The following RTF2 variants were observed in gnomAD, a reference collection of about 807,000 sequenced individuals.
RTF2 encodes the protein UPF0549 protein C20orf43.
RTF2 carries 18 observed loss-of-function variants against 38.0 expected under a neutral mutation model. That is an observed-to-expected ratio of 0.47 (90% CI 0.33 to 0.70). RTF2 has a LOEUF of 0.70. Ranked by LOEUF, RTF2 falls within the 30% of genes least tolerant of loss-of-function variation. The pLI is 0.02. For synonymous variants in RTF2, 126 were observed against 137.1 expected, an observed-to-expected ratio of 0.92 and a Z score of 0.57; for missense variants, 311 against 379.6, an observed-to-expected ratio of 0.82 and a Z score of 1.50.
intron 5 of RTF2, chr20:56,491,562 G>A (rs904292740): frequency 2.3e-5 from 35 of 1,537,584 alleles, no homozygotes; most frequent in Admixed American, 5.9e-5. Flanking sequence ...ACTCCCTAGC[G>A]GTTCAGTCTC....
intron 5 of RTF2, among the ~76,000 whole-genome samples, chr20:56,511,576 A>G (rs1457572498): frequency 6.6e-6 from 1 of 152,136 alleles, no homozygotes; most frequent in Non-Finnish European, 1.5e-5. Context: ...AGGTGTTTAT[A>G]ACCCTAGTCC....
chr20:56,483,408 C>T (rs1295252786), intron 4 of RTF2, among the ~76,000 whole-genome samples: 2 of 151,476 alleles, frequency 1.3e-5, no homozygotes, highest in Non-Finnish European at 2.9e-5. Context: ...AGTGCAGTGG[C>T]GCTATCATAG....
At position 56,470,369 on chromosome 20, in the gene RTF2, A is replaced by T. The variant is rs145480800; in HGVS notation, c.69+1603A>T. Reference sequence around the variant, plus strand: ...GCGATTCAAAAAAGCCAGAATGCCTAGGCAGGATGGATTTTTATTATAACT... The same window carrying T: ...GCGATTCAAAAAAGCCAGAATGCCTTGGCAGGATGGATTTTTATTATAACT... On this transcript the variant is annotated intron_variant, in intron 1 of 8. Transcript: ENST00000357348. 1.8e-4 allele frequency among the ~76,000 whole-genome samples: 28 copies of T among 152,326 alleles called. 1 individual carries two copies. The East Asian group carries it at 4.4e-3, about 24-fold the overall frequency.
intron 6 of RTF2, among the ~76,000 whole-genome samples, chr20:56,514,529 C>T (rs1006288261): frequency 6.6e-6 from 1 of 151,898 alleles, no homozygotes; most frequent in African/African-American, 2.4e-5. Flanking sequence ...CAGTCCGAGG[C>T]GAGAGTGATG....
At chr20:56,490,594 C>T (rs1983058574) in intron 5 of RTF2, among the ~76,000 whole-genome samples, 1 of 152,246 alleles carries the variant, frequency 6.6e-6, no homozygotes, top group African/African-American at 2.4e-5. Context: ...GCAGGCGGAT[C>T]ACCTGAGGTC....
intron 5 of RTF2, among the ~76,000 whole-genome samples, chr20:56,507,351 T>A (rs1984347267): frequency 6.6e-6 from 1 of 152,028 alleles, no homozygotes; most frequent in Admixed American, 6.5e-5. Context: ...ATGGGGCCCC[T>A]AGCAGTTGGG....
intron 5 of RTF2, among the ~76,000 whole-genome samples, chr20:56,501,913 T>A (rs1238440500): frequency 2.0e-5 from 3 of 152,188 alleles, no homozygotes; most frequent in Non-Finnish European, 4.4e-5. Context: ...TGAGAGCATT[T>A]CAAGGCTTTT....
Position 56,516,921 on chromosome 20 carries a change from CTA to C in RTF2, c.592-12_592-11del, listed in dbSNP as rs1245051238. On this transcript the variant is annotated splice_polypyrimidine_tract_variant and intron_variant, in intron 6 of 8. Transcript: ENST00000357348. ...ATCTGAGCACAGCCTCCAACATTCT[CTA>C]TCTTTTTGTAGAAAACAAAGAAACC... 6.2e-7 allele frequency: 1 copy of C among 1,613,020 alleles called. No homozygotes were observed. The highest frequency in any genetic ancestry group is 1.3e-5 in the African/African-American group (1 of 74,878).
rs1182666560 is a variant in RTF2, at chr20:56,518,401, A to G, written c.*136A>G. 2 of 885,148 alleles carry G rather than the reference A, an allele frequency of 2.3e-6. No homozygotes were observed. The highest frequency in any genetic ancestry group is 1.7e-5 in the African/African-American group (1 of 58,962). The allele number at this position is 885,148 out of a possible 1,614,324, so 54.8% of individuals were successfully genotyped here. The stretch of plus-strand genomic sequence containing the variant: ...ATAAAGCTGTCCTGGCCAGCCTTCA[A>G]GCTGGTGTGGCCACTCTTGATGTGA... On this transcript the variant is annotated 3_prime_UTR_variant, in exon 9 of 9. Transcript: ENST00000357348.
intron 5 of RTF2, chr20:56,491,528 A>G: frequency 1.5e-6 from 2 of 1,341,800 alleles, no homozygotes; most frequent in Non-Finnish European, 2.1e-6. Context: ...AAGGAAACAG[A>G]ATGATACCAG....
Position 56,519,326 on chromosome 20 carries a change from A to ATGTGTGGCCCTGCTTTTTCTCAAACCC in RTF2, c.*1069_*1095dup, listed in dbSNP as rs1985252807. 6.6e-6 allele frequency: 1 copy of ATGTGTGGCCCTGCTTTTTCTCAAACCC among 152,214 alleles called. No individual in the cohort carries two copies. The highest frequency in any genetic ancestry group is 1.5e-5 in the Non-Finnish European group (1 of 68,062). The allele number at this position is 152,214 out of a possible 1,614,324, so 9.4% of individuals were successfully genotyped here. On this transcript the variant is annotated 3_prime_UTR_variant, in exon 9 of 9. Transcript: ENST00000357348. ...AGGGAGAGGCCAGCAAGGGAGAACC[A>ATGTGTGGCCCTGCTTTTTCTCAAACCC]TGTGTGGCCCTGCTTTTTCTCAAAC... is the stretch of plus-strand genomic sequence containing the variant.
chr20:56,473,361 T>C lies in RTF2; in HGVS notation c.130T>C (p.Leu44=), dbSNP rs150124912. 49 of 1,613,668 alleles carry C rather than the reference T, an allele frequency of 3.0e-5. No individual in the cohort carries two copies. Among genetic ancestry groups the C allele is most frequent in the South Asian group, 1.1e-5 (1 of 91,080 alleles). Residue 44 remains leucine (L), a synonymous_variant, in exon 2 of 9, where the codon TTA becomes CTA. Coordinates refer to ENST00000357348, the MANE Select transcript of RTF2 (RefSeq NM_016407.5). The stretch of plus-strand genomic sequence containing the variant: ...CTATTGTACTCTAAGTCAGGAAATA[T>C]TAAGACGACCAATAGTTGCCTGTGA... ...WNYCTLSQEI[L]RRPIVACELG... is the part of the protein sequence containing the mutation.
At chr20:56,469,867 C>T (rs549460992) in intron 1 of RTF2, among the ~76,000 whole-genome samples, 6 of 152,326 alleles carry the variant, frequency 3.9e-5, no homozygotes, top group African/African-American at 1.2e-4. Flanking sequence ...GTTCATCAAT[C>T]TGAAATACTC....
chr20:56,513,475 A>C, intron 6 of RTF2, 47 bp downstream of exon 6: 1 of 1,551,020 alleles, frequency 6.4e-7, no homozygotes, highest in Non-Finnish European at 8.7e-7. Context: ...TCTGCTCCAG[A>C]GCCGACTGCA....
At position 56,494,655 on chromosome 20, in the gene RTF2, C is replaced by G. The variant is rs1005625255; in HGVS notation, c.477+10466C>G. Reference sequence around the variant, plus strand: ...AATTGTTCCAGCTCTCTAACCTGGTCCCTCTGCTTCAGGAGGGTGGCTGTG... The same window carrying G: ...AATTGTTCCAGCTCTCTAACCTGGTGCCTCTGCTTCAGGAGGGTGGCTGTG... On this transcript the variant is annotated intron_variant, in intron 5 of 8. Transcript: ENST00000357348. Among the ~76,000 whole-genome samples the G allele has an allele frequency of 5.3e-5, 8 of 152,360 alleles. No homozygotes were observed. In the South Asian group the frequency reaches 1.7e-3, roughly 32 times the overall value.
At chr20:56,513,493 G>C in intron 6 of RTF2, 65 bp downstream of exon 6, 1 of 1,543,122 alleles carries the variant, frequency 6.5e-7, no homozygotes, top group Non-Finnish European at 8.8e-7. Context: ...GCAAATCACT[G>C]AACTGAGCTG....
intron 5 of RTF2, among the ~76,000 whole-genome samples, chr20:56,511,461 C>A (rs1472907686): frequency 6.6e-6 from 1 of 151,922 alleles, no homozygotes; most frequent in Non-Finnish European, 1.5e-5. Flanking sequence ...TGAGACTGGC[C>A]CCAGGTGCAA....
intron 5 of RTF2, among the ~76,000 whole-genome samples, chr20:56,491,246 T>G (rs939370616): frequency 6.6e-6 from 1 of 152,240 alleles, no homozygotes; most frequent in African/African-American, 2.4e-5. Flanking sequence ...GTCGTTCTTA[T>G]TCCAGCTTGA....
At chr20:56,488,408 A>T (rs943234431) in intron 5 of RTF2, among the ~76,000 whole-genome samples, 31 of 152,030 alleles carry the variant, frequency 2.0e-4, no homozygotes, top group African/African-American at 7.2e-4. Context: ...GATCCGTAGC[A>T]TTGGACTTGC....
Sources: allele counts gnomAD v4.1 joint callset (sites outside exome capture counted in the v4.1 genomes callset), GRCh38; gene constraint gnomAD v4.1.1; transcripts MANE v1.5; gene names NCBI Gene and HGNC (gene_info 2026-07-23, HGNC 2026-07-21).